LRRC37A2: variants seen among roughly 807,000 people sequenced by gnomAD.
The protein encoded by LRRC37A2 is leucine-rich repeat-containing protein 37A2.
A neutral mutation model predicts 68.8 loss-of-function variants in LRRC37A2; 9 were observed. The observed-to-expected ratio is 0.13, with a 90% CI of 0.08 to 0.23. The LOEUF (loss-of-function observed/expected upper bound fraction) is 0.23. Ranked by LOEUF, LRRC37A2 falls within the 10% of genes least tolerant of loss-of-function variation. The pLI is 1.00. For synonymous variants in LRRC37A2, 63 were observed against 367.6 expected, an observed-to-expected ratio of 0.17 and a Z score of 9.48; for missense variants, 168 against 950.4, an observed-to-expected ratio of 0.18 and a Z score of 10.82.
the LRRC37A2 span, chr17:46,909,783 C>T: frequency 2.0e-5 from 3 of 152,200 alleles, no homozygotes; most frequent in Non-Finnish European, 4.4e-5. Context: ...TTTTCCTGAT[C>T]CTCTCCCTCC....
At chr17:46,500,471 CTTTAAACAA>C in the LRRC37A2 span, among the ~76,000 whole-genome samples, 1 of 149,534 alleles carries the variant, frequency 6.7e-6, no homozygotes, top group Non-Finnish European at 1.5e-5. Context: ...TTTGGGATTA[CTTTAAACAA>C]TTTACCAGAT....
chr17:46,978,870 G>A, the LRRC37A2 span: 2 of 1,567,120 alleles, frequency 1.3e-6, no homozygotes, highest in African/African-American at 2.7e-5. Flanking sequence ...CGTCGCTGGC[G>A]GCCAGCGGTG....
chr17:46,968,223 G>A, the LRRC37A2 span, among the ~76,000 whole-genome samples: 17 of 152,234 alleles, frequency 1.1e-4, no homozygotes, highest in South Asian at 1.2e-3. Context: ...GGAAGGAGGC[G>A]TCCAGAGACC....
chr17:46,789,166 C>T, the LRRC37A2 span, among the ~76,000 whole-genome samples: 2 of 152,128 alleles, frequency 1.3e-5, no homozygotes, highest in African/African-American at 4.8e-5. Context: ...CTGGAGCTGC[C>T]CTGAGGAAGC....
chr17:47,038,154 AAGTTAG>A, the LRRC37A2 span, among the ~76,000 whole-genome samples: 1 of 151,990 alleles, frequency 6.6e-6, no homozygotes, highest in African/African-American at 2.4e-5. Context: ...AAAAAATTAA[AAGTTAG>A]CTGAACATGG....
the LRRC37A2 span, among the ~76,000 whole-genome samples, chr17:46,896,865 C>A: frequency 6.6e-6 from 1 of 152,098 alleles, no homozygotes; most frequent in Non-Finnish European, 1.5e-5. Flanking sequence ...GGCCTGGGAC[C>A]CTGAGGGCAT....
At chr17:46,868,948 T>C in the LRRC37A2 span, among the ~76,000 whole-genome samples, 1 of 152,228 alleles carries the variant, frequency 6.6e-6, no homozygotes, top group African/African-American at 2.4e-5. Context: ...AAATAGATGG[T>C]CATTTTCTAA....
the LRRC37A2 span, chr17:46,769,966 G>A: frequency 2.5e-6 from 4 of 1,612,404 alleles, no homozygotes; most frequent in Non-Finnish European, 2.5e-6. Context: ...AAATGGTGGA[G>A]GTGCCCTCGG....
At chr17:47,035,980 C>T in the LRRC37A2 span, among the ~76,000 whole-genome samples, 2 of 152,142 alleles carry the variant, frequency 1.3e-5, no homozygotes, top group Non-Finnish European at 2.9e-5. Flanking sequence ...TTATTCAAAT[C>T]CTCTGCCTCT....
chr17:46,939,069 G>A, the LRRC37A2 span: 10 of 1,099,236 alleles, frequency 9.1e-6, no homozygotes, highest in South Asian at 1.3e-4. Context: ...CATAGCTGAT[G>A]CGTGCCCTGG....
chr17:46,753,474 T>C, the LRRC37A2 span, among the ~76,000 whole-genome samples: 2 of 152,236 alleles, frequency 1.3e-5, no homozygotes, highest in African/African-American at 4.8e-5. Flanking sequence ...GAGCCATAAA[T>C]TAAAGTCACA....
chr17:46,995,944 T>C, the LRRC37A2 span, among the ~76,000 whole-genome samples: 1 of 152,162 alleles, frequency 6.6e-6, no homozygotes, highest in Non-Finnish European at 1.5e-5. Context: ...CCTCAGTGGC[T>C]GGTCCCTGCT....
chr17:46,853,363 C>CTTTTT, the LRRC37A2 span, among the ~76,000 whole-genome samples: 796 of 78,900 alleles, frequency 0.01, 136 homozygotes, highest in East Asian at 0.06. Flanking sequence ...ATGCTAGTGA[C>CTTTTT]TTTTTTTTTT....
the LRRC37A2 span, among the ~76,000 whole-genome samples, chr17:46,714,682 C>A: frequency 6.6e-6 from 1 of 152,212 alleles, no homozygotes; most frequent in Non-Finnish European, 1.5e-5. Flanking sequence ...AATGGCTGTT[C>A]CATCTTACTT....
At chr17:46,877,058 A>G in the LRRC37A2 span, 9 of 1,115,914 alleles carry the variant, frequency 8.1e-6, no homozygotes, top group South Asian at 3.9e-4. Flanking sequence ...GGGCTATTCC[A>G]TCTTGCTTCC....
At chr17:46,876,673 C>T in the LRRC37A2 span, 1 of 1,591,192 alleles carries the variant, frequency 6.3e-7, no homozygotes, top group South Asian at 1.1e-5. Flanking sequence ...ACGTGGAGTG[C>T]CAGCAATGTG....
chr17:46,575,018 C>T, the LRRC37A2 span, among the ~76,000 whole-genome samples: 3 of 76,872 alleles, frequency 3.9e-5, no homozygotes, highest in Non-Finnish European at 6.8e-5. Context: ...ATCGCCTGAA[C>T]CCAGGAGGCG....
At chr17:46,940,122 C>A in the LRRC37A2 span, 1 of 1,229,754 alleles carries the variant, frequency 8.1e-7, no homozygotes, top group Non-Finnish European at 1.0e-6. Context: ...CTTCACCTCT[C>A]TTGTTCCCCT....
the LRRC37A2 span, among the ~76,000 whole-genome samples, chr17:46,737,834 G>T: frequency 1.3e-5 from 2 of 152,004 alleles, no homozygotes. Context: ...CAGGGCCATT[G>T]TGCCATGCTA....
Sources: gnomAD v4.1 joint callset for allele counts (sites outside exome capture counted in the v4.1 genomes callset) on GRCh38, gnomAD v4.1.1 for gene constraint, MANE v1.5 for transcripts, NCBI Gene and HGNC (gene_info 2026-07-23, HGNC 2026-07-21) for gene names.